Variants in PLA2G7 observed in about 807,000 individuals in gnomAD.
The protein encoded by PLA2G7 is phospholipase A2 group VII, also known as platelet-activating factor acetylhydrolase.
A neutral mutation model predicts 49.6 loss-of-function variants in PLA2G7; 63 were observed. The observed-to-expected ratio is 1.27, with a 90% confidence interval of 1.04 to 1.57. The LOEUF (loss-of-function observed/expected upper bound fraction) is 1.57, where lower values mean the gene tolerates loss of function less well. Among genes scored for constraint, PLA2G7 ranks in the 40% most tolerant of loss-of-function variants. The probability of loss-of-function intolerance (pLI) is 0.00; values close to 1 mark genes in which losing one functional copy is unlikely to be tolerated. For synonymous variants in PLA2G7, 193 were observed against 169.9 expected, an observed-to-expected ratio of 1.14 and a Z score of -1.06; for missense variants, 596 against 521.2, an observed-to-expected ratio of 1.14 and a Z score of -1.40.
At chr6:46,725,605 A>G (rs1286654351) in intron 1 of PLA2G7, among the ~76,000 whole-genome samples, 6 of 152,276 alleles carry the variant, frequency 3.9e-5, no homozygotes, top group African/African-American at 1.2e-4. Flanking sequence ...AAAAAAAGGT[A>G]TATATGTGCA....
chr6:46,733,611 G>A (rs772641888), intron 1 of PLA2G7, among the ~76,000 whole-genome samples: 10 of 152,228 alleles, frequency 6.6e-5, no homozygotes, highest in Non-Finnish European at 1.5e-4. Context: ...GCAAGGAGCT[G>A]AAGTAGGCCT....
chr6:46,723,987 C>T (rs539229280), intron 1 of PLA2G7, among the ~76,000 whole-genome samples: 35 of 152,320 alleles, frequency 2.3e-4, no homozygotes, highest in African/African-American at 8.4e-4. Context: ...GTACTCCACA[C>T]CCACCTTCCA....
rs1192531871 is a variant in PLA2G7 at position 46,705,279 on chromosome 6, C to A, written c.1063G>T (p.Ala355Ser). 6 of 1,612,390 alleles carry A rather than the reference C, an allele frequency of 3.7e-6. No individual in the cohort carries two copies. Among genetic ancestry groups the A allele is most frequent in the East Asian group, 2.2e-5 (1 of 44,826 alleles). ...TIRGSVHQNF[A>S]DFTFATGKII... ...TTGCCAGTTGCAAAAGTGAAGTCAGCAAAATTCTGGTGGACTGAACCCCTA... is the reference window on the plus strand; with the variant it reads ...TTGCCAGTTGCAAAAGTGAAGTCAGAAAAATTCTGGTGGACTGAACCCCTA... Residue 355 changes from alanine to serine, a missense_variant, in exon 11 of 12, where the codon GCT becomes TCT. Transcript: ENST00000274793.
chr6:46,715,070 T>C (rs913658299), intron 4 of PLA2G7, among the ~76,000 whole-genome samples: 12 of 152,118 alleles, frequency 7.9e-5, no homozygotes, highest in African/African-American at 2.9e-4. Context: ...TCATTAACGA[T>C]GAGTTCTTAC....
chr6:46,704,511 T>G lies in PLA2G7; in HGVS notation c.*49A>C. On this transcript the variant is annotated 3_prime_UTR_variant, in exon 12 of 12. Coordinates refer to ENST00000274793, the MANE Select transcript of PLA2G7 (RefSeq NM_005084.4). Reference sequence around the variant, plus strand: ...ACACACACACACACACACACACACATAATTTTAGACAGTTTTGAAACAAGA... The same window carrying G: ...ACACACACACACACACACACACACAGAATTTTAGACAGTTTTGAAACAAGA... 1 of 911,522 alleles carries G rather than the reference T, an allele frequency of 1.1e-6. No homozygotes were observed. The highest frequency in any genetic ancestry group is 1.8e-6 in the Non-Finnish European group (1 of 568,620). 56.5% of individuals were successfully genotyped at this position (911,522 alleles called of 1,614,324 possible).
Position 46,707,054 on chromosome 6 carries a change from C to T in PLA2G7, c.1040+937G>A, listed in dbSNP as rs144668120. 1.3e-3 allele frequency among the ~76,000 whole-genome samples: 195 copies of T among 152,236 alleles called. 1 individual carries two copies. Among genetic ancestry groups the T allele is most frequent in the Non-Finnish European group, 2.5e-3 (167 of 68,016 alleles). On this transcript the variant is annotated intron_variant, in intron 10 of 11. Coordinates refer to ENST00000274793, the MANE Select transcript of PLA2G7 (RefSeq NM_005084.4). ...AGGAAAGGGGTGAGTTCAGGTCCAT[C>T]TTTGCTTTGTAATATCTCATCGAGA...
rs553114747 is a variant in PLA2G7, at chr6:46,706,622, G to A, written c.1041-1321C>T. Among the ~76,000 whole-genome samples, 8 of 152,312 alleles carry A rather than the reference G, an allele frequency of 5.3e-5. 1 individual carries two copies. In the South Asian group the frequency reaches 1.4e-3, roughly 28 times the overall value. ...TTTTGGCATGCCCGTGGGGGCCCAG[G>A]AAGCTAGACCACAAGAGTCAAAGAG... On this transcript the variant is annotated intron_variant, in intron 10 of 11. Transcript: ENST00000274793.
intron 1 of PLA2G7, among the ~76,000 whole-genome samples, chr6:46,734,459 A>T (rs1203749368): frequency 0.037 from 4,711 of 126,640 alleles, 780 homozygotes; most frequent in African/African-American, 0.12. Context: ...AGAGAGAGAG[A>T]GAGAGAGAGA....
At chr6:46,705,364 G>A in intron 10 of PLA2G7, 63 bp from the exon 11 acceptor site, 11 of 1,379,362 alleles carry the variant, frequency 8.0e-6, no homozygotes, top group South Asian at 1.2e-5. Context: ...TTTTTAGTTA[G>A]AGTGTAAGAA....
chr6:46,710,557 C>T lies in PLA2G7; in HGVS notation c.765G>A (p.Met255Ile). Residue 255 changes from methionine to isoleucine, a missense_variant, in exon 8 of 12, where the codon ATG becomes ATA. Coordinates refer to ENST00000274793, the MANE Select transcript of PLA2G7 (RefSeq NM_005084.4). The part of the protein sequence containing the change: ...VKNALDLKFD[M>I]EQLKDSIDRE... ...TTTTATAGCTTACCTTCAGTTGTTC[C>T]ATATCAAACTTTAAATCTAATGCAT... The T allele has an allele frequency of 1.3e-6, 2 of 1,589,734 alleles. No individual in the cohort carries two copies. The highest frequency in any genetic ancestry group is 1.7e-6 in the Non-Finnish European group (2 of 1,157,998).
intron 5 of PLA2G7, 104 bp from the exon 6 acceptor site, chr6:46,712,441 G>A (rs758528385): frequency 1.0e-4 from 83 of 796,880 alleles, no homozygotes; most frequent in Non-Finnish European, 1.6e-4. Context: ...CCCTGTAGTA[G>A]TGCCCTGGGG....
intron 2 of PLA2G7, among the ~76,000 whole-genome samples, chr6:46,720,730 G>A (rs1765368986): frequency 6.6e-6 from 1 of 152,180 alleles, no homozygotes; most frequent in African/African-American, 2.4e-5. Flanking sequence ...TATTTTAATA[G>A]GAGGATTGGA....
chr6:46,729,383 A>G (rs763502890), intron 1 of PLA2G7, among the ~76,000 whole-genome samples: 4 of 152,224 alleles, frequency 2.6e-5, no homozygotes, highest in Non-Finnish European at 5.9e-5. Flanking sequence ...GCAAGATTAG[A>G]AATGAAGTGC....
At chr6:46,724,485 C>T (rs966880991) in intron 1 of PLA2G7, among the ~76,000 whole-genome samples, 2 of 152,188 alleles carry the variant, frequency 1.3e-5, no homozygotes, top group African/African-American at 2.4e-5. Context: ...AGCTATTTTG[C>T]GGGAAGATGT....
At chr6:46,710,114 T>A (rs549342897) in intron 8 of PLA2G7, among the ~76,000 whole-genome samples, 1 of 152,180 alleles carries the variant, frequency 6.6e-6, no homozygotes, top group South Asian at 2.1e-4. Flanking sequence ...ATTCTCTAGT[T>A]CCCCCTAATC....
chr6:46,727,752 C>T (rs182435637), intron 1 of PLA2G7, among the ~76,000 whole-genome samples: 1 of 152,262 alleles, frequency 6.6e-6, no homozygotes, highest in East Asian at 1.9e-4. Context: ...AGAACTCAAC[C>T]CACCATGGCT....
At position 46,722,902 on chromosome 6, in the gene PLA2G7, G is replaced by T; in HGVS notation, c.-11C>A. On this transcript the variant is annotated 5_prime_UTR_variant, in exon 2 of 12. Transcript: ENST00000274793. ...TTTGGGTGGCACCATCTTGGGAGCT[G>T]AGCAGCAGTTTCAGCTTAGTCTCCT... is the stretch of plus-strand genomic sequence containing the variant. 2 of 1,537,320 alleles carry T rather than the reference G, an allele frequency of 1.3e-6. No individual in the cohort carries two copies. The highest frequency in any genetic ancestry group is 2.2e-5 in the South Asian group (2 of 89,220).
At chr6:46,709,182 G>T (rs952809811) in intron 9 of PLA2G7, 145 bp downstream of exon 9, 1 of 618,362 alleles carries the variant, frequency 1.6e-6, no homozygotes, top group Non-Finnish European at 2.9e-6. Context: ...AATGTATATA[G>T]AGTATTTTAT....
chr6:46,734,848 AAG>A (rs368328200), intron 1 of PLA2G7, among the ~76,000 whole-genome samples: 3 of 145,210 alleles, frequency 2.1e-5, no homozygotes, highest in South Asian at 2.2e-4. Flanking sequence ...GAACGAAAGA[AAG>A]AGAGAGAGAG....
Sources: gnomAD v4.1 joint callset for allele counts (sites outside exome capture counted in the v4.1 genomes callset) on GRCh38, gnomAD v4.1.1 for gene constraint, MANE v1.5 for transcripts, NCBI Gene and HGNC (gene_info 2026-07-23, HGNC 2026-07-21) for gene names.